The following OSBPL10 variants were observed in gnomAD, a reference collection of about 807,000 sequenced individuals.
The protein encoded by OSBPL10 is oxysterol binding protein like 10.
Under a neutral mutation model 81.7 loss-of-function variants are expected in OSBPL10, and 49 were observed. The ratio of observed to expected loss-of-function variants is 0.60; its 90% CI spans 0.48 to 0.76. OSBPL10 has a LOEUF of 0.76. Among genes scored for constraint, OSBPL10 ranks in the 30% least tolerant of loss-of-function variants. The probability of loss-of-function intolerance (pLI) is 0.00; values close to 1 mark genes in which losing one functional copy is unlikely to be tolerated. For synonymous variants in OSBPL10, 419 were observed against 383.6 expected, an observed-to-expected ratio of 1.09 and a Z score of -1.08; for missense variants, 923 against 987.8, an observed-to-expected ratio of 0.93 and a Z score of 0.88.
chr3:32,003,965 A>T (rs1559547782), intron 2 of OSBPL10, among the ~76,000 whole-genome samples: 1 of 152,136 alleles, frequency 6.6e-6, no homozygotes, highest in Non-Finnish European at 1.5e-5. Context: ...CAACAGCTGG[A>T]TTTGGGAAAG....
intron 1 of OSBPL10, among the ~76,000 whole-genome samples, chr3:31,922,055 T>C (rs80015709): frequency 0.029 from 4,346 of 152,218 alleles, 200 homozygotes; most frequent in African/African-American, 0.099. Context: ...ACAACGGAAT[T>C]GTGAGAAACT....
At chr3:31,834,393 A>C (rs1020237939) in intron 3 of OSBPL10, among the ~76,000 whole-genome samples, 1 of 152,218 alleles carries the variant, frequency 6.6e-6, no homozygotes, top group African/African-American at 2.4e-5. Flanking sequence ...CACAGCCATC[A>C]GTGTTCATCT....
chr3:31,853,118 G>A (rs528353148), intron 3 of OSBPL10, among the ~76,000 whole-genome samples: 1 of 152,108 alleles, frequency 6.6e-6, no homozygotes, highest in Non-Finnish European at 1.5e-5. Flanking sequence ...GCTTAGGAGG[G>A]ACGGAAGATG....
chr3:32,068,817 C>T (rs1240670197), intron 1 of OSBPL10, among the ~76,000 whole-genome samples: 1 of 152,048 alleles, frequency 6.6e-6, no homozygotes, highest in Non-Finnish European at 1.5e-5. Context: ...CAGTCCCAAC[C>T]CCAAGTGTCA....
At chr3:32,008,773 A>G (rs1404223361) in intron 2 of OSBPL10, among the ~76,000 whole-genome samples, 5 of 152,076 alleles carry the variant, frequency 3.3e-5, no homozygotes, top group Admixed American at 1.3e-4. Context: ...AAAAAAAAAA[A>G]AAAAGAAGAA....
upstream of OSBPL10, among the ~76,000 whole-genome samples, chr3:31,984,100 C>T (rs565653267): frequency 5.3e-4 from 81 of 152,140 alleles, 1 homozygote; most frequent in Middle Eastern, 3.4e-3. Context: ...TGTAGTGGCA[C>T]GACCTCAGCT....
At chr3:31,843,889 C>A (rs1700564708) in intron 3 of OSBPL10, among the ~76,000 whole-genome samples, 1 of 152,162 alleles carries the variant, frequency 6.6e-6, no homozygotes, top group South Asian at 2.1e-4. Context: ...TGGCCCTGGA[C>A]CATTAGTTCT....
At chr3:31,702,240 T>C (rs1045608794) in intron 7 of OSBPL10, 119 bp downstream of exon 7, 1 of 1,252,612 alleles carries the variant, frequency 8.0e-7, no homozygotes, top group Non-Finnish European at 1.1e-6. Context: ...ATGCTGGCCT[T>C]TTTCCCCACT....
intron 3 of OSBPL10, among the ~76,000 whole-genome samples, chr3:31,833,580 C>T (rs1005071221): frequency 3.3e-5 from 5 of 152,112 alleles, no homozygotes; most frequent in African/African-American, 7.2e-5. Flanking sequence ...CATAAGCAGT[C>T]GCTGAGTCAC....
chr3:31,829,996 C>CA (rs1341326183), intron 4 of OSBPL10, 44 bp downstream of exon 4: 3 of 1,547,606 alleles, frequency 1.9e-6, no homozygotes, highest in Non-Finnish European at 2.6e-6. Context: ...TCACAGCCCC[C>CA]AACTCCCCGG....
intron 9 of OSBPL10, 118 bp from the exon 10 acceptor site, chr3:31,668,942 T>C: frequency 1.2e-6 from 1 of 869,304 alleles, no homozygotes; most frequent in Admixed American, 2.8e-5. Context: ...GAGGGATTGT[T>C]TTTGCAGCTT....
intron 3 of OSBPL10, among the ~76,000 whole-genome samples, chr3:31,873,061 A>G (rs951089582): frequency 1.3e-5 from 2 of 152,176 alleles, no homozygotes; most frequent in African/African-American, 4.8e-5. Context: ...CAGCGAGGAG[A>G]TTGATCATAA....
chr3:31,716,883 C>T (rs963530520), intron 6 of OSBPL10: 1 of 152,190 alleles, frequency 6.6e-6, no homozygotes, highest in African/African-American at 2.4e-5. Flanking sequence ...TCAACTCCAA[C>T]TTTGAATTTT....
intron 4 of OSBPL10, among the ~76,000 whole-genome samples, chr3:31,818,975 G>C (rs1338476814): frequency 1.3e-5 from 2 of 152,242 alleles, no homozygotes; most frequent in African/African-American, 2.4e-5. Context: ...GTTACTGGCA[G>C]GCACTTTCAG....
rs1350758470 is a variant in OSBPL10, at chr3:31,980,881, G to A, written c.281+18C>T. ...CACACACAGCGGCGCGCGGTGGCGC[G>A]GGCGGCTGGCGCGTTACCTGTTCTG... On this transcript the variant is annotated intron_variant, in intron 1 of 11. Transcript: ENST00000396556. 3.2e-6 allele frequency: 5 copies of A among 1,551,564 alleles called. No individual in the cohort carries two copies. Among genetic ancestry groups the A allele is most frequent in the East Asian group, 2.5e-5 (1 of 39,272 alleles).
intron 6 of OSBPL10, among the ~76,000 whole-genome samples, chr3:31,725,326 G>A (rs1696774774): frequency 1.3e-5 from 2 of 152,124 alleles, no homozygotes; most frequent in Non-Finnish European, 2.9e-5. Flanking sequence ...GATTTTTAGT[G>A]AGTCCTAAGG....
chr3:31,804,484 C>T (rs6789271), intron 4 of OSBPL10, among the ~76,000 whole-genome samples: 30,589 of 152,028 alleles, frequency 0.2, 3,462 homozygotes, highest in African/African-American at 0.29. Context: ...CATCATCAAT[C>T]AGCAAAAAAG....
intron 1 of OSBPL10, among the ~76,000 whole-genome samples, chr3:31,884,175 GAA>G (rs1695669305): frequency 1.3e-5 from 2 of 152,132 alleles, no homozygotes; most frequent in African/African-American, 4.8e-5. Context: ...ACATTATATA[GAA>G]TATAGGGACA....
intron 1 of OSBPL10, among the ~76,000 whole-genome samples, chr3:31,920,843 C>T (rs1447325324): frequency 6.6e-6 from 1 of 152,136 alleles, no homozygotes; most frequent in Non-Finnish European, 1.5e-5. Flanking sequence ...TTCCCTCTCT[C>T]ACCATGTGAT....
Sources: gnomAD v4.1 joint callset for allele counts (sites outside exome capture counted in the v4.1 genomes callset) on GRCh38, gnomAD v4.1.1 for gene constraint, MANE v1.5 for transcripts, NCBI Gene and HGNC (gene_info 2026-07-23, HGNC 2026-07-21) for gene names.